The following DPEP1 variants were observed in gnomAD, a reference collection of about 807,000 sequenced individuals.
The protein encoded by DPEP1 is beta-lactamase.
A neutral mutation model predicts 42.3 loss-of-function variants in DPEP1; 50 were observed. That is an observed-to-expected ratio of 1.18 (90% CI 0.94 to 1.50). The LOEUF is 1.50. Among genes scored for constraint, DPEP1 ranks in the 40% most tolerant of loss-of-function variants. DPEP1 has a pLI of 0.00. For synonymous variants in DPEP1, 297 were observed against 234.0 expected (o/e 1.27, Z -2.46); for missense variants, 663 against 553.0 (o/e 1.20, Z -1.99).
At chr16:89,636,145 C>T (rs536634283) in intron 3 of DPEP1, 105 bp downstream of exon 3, 1 of 1,548,094 alleles carries the variant, frequency 6.5e-7, no homozygotes, top group African/African-American at 1.4e-5. Context: ...TCCAGGGTCC[C>T]TCGGTGCCCA....
At chr16:89,631,765 G>A in intron 2 of DPEP1, among the ~76,000 whole-genome samples, 1 of 152,198 alleles carries the variant, frequency 6.6e-6, no homozygotes. Flanking sequence ...GCTGAGGCAG[G>A]AGAATCACTT....
rs748498388 is a variant in DPEP1, at chr16:89,630,410, C to T, written c.-1C>T. ...GCACACAGGTCCCCGGGGACCCCAC[C>T]ATGTGGAGCGGATGGTGGCTGTGGC... On this transcript the variant is annotated 5_prime_UTR_variant, in exon 2 of 11. Transcript: ENST00000690203. 1 of 1,609,942 alleles carries T rather than the reference C, an allele frequency of 6.2e-7. No individual in the cohort carries two copies.
rs1043115406 is a variant in DPEP1 at position 89,625,297 on chromosome 16, C to G, written c.-106-5008C>G. Among the ~76,000 whole-genome samples the G allele has an allele frequency of 4.6e-5, 7 of 152,130 alleles. No individual in the cohort carries two copies. The South Asian group carries it at 1.5e-3, about 32-fold the overall frequency. The stretch of plus-strand genomic sequence containing the variant: ...GCCCCCAGACCCTATTCTCCTGCTC[C>G]CAGGGCATCACGTGCAGAGAGGGAG... On this transcript the variant is annotated intron_variant, in intron 1 of 10. Coordinates refer to ENST00000690203, the MANE Select transcript of DPEP1 (RefSeq NM_001389466.1).
chr16:89,620,270 C>T (rs1323046820), intron 1 of DPEP1, among the ~76,000 whole-genome samples: 1 of 152,096 alleles, frequency 6.6e-6, no homozygotes, highest in Non-Finnish European at 1.5e-5. Flanking sequence ...AGGGAGGTGG[C>T]TGGGGTCTGC....
intron 1 of DPEP1, among the ~76,000 whole-genome samples, chr16:89,621,007 G>A (rs2059441284): frequency 6.6e-6 from 1 of 152,202 alleles, no homozygotes; most frequent in Non-Finnish European, 1.5e-5. Context: ...ACCGGGTGGG[G>A]GGCCTCAGCT....
chr16:89,623,472 G>A (rs1320210047), intron 1 of DPEP1, among the ~76,000 whole-genome samples: 1 of 152,084 alleles, frequency 6.6e-6, no homozygotes, highest in Non-Finnish European at 1.5e-5. Context: ...CGCTGCCAAG[G>A]GAAGTCTGCA....
rs1597749369 is a variant in DPEP1, at chr16:89,623,969, G to A, written c.-106-6336G>A. 2.0e-5 allele frequency among the ~76,000 whole-genome samples: 3 copies of A among 152,122 alleles called. No homozygotes were observed. In the South Asian group the frequency reaches 6.2e-4, roughly 32 times the overall value. On this transcript the variant is annotated intron_variant, in intron 1 of 10. Transcript: ENST00000690203. ...TCCAGGCCTGGAGGGAACAGCGGTTGCCCACACACAGCCGGGCCCATCCAC... is the reference window on the plus strand; with the variant it reads ...TCCAGGCCTGGAGGGAACAGCGGTTACCCACACACAGCCGGGCCCATCCAC...
chr16:89,620,227 C>A (rs1421838960), intron 1 of DPEP1, among the ~76,000 whole-genome samples: 3 of 152,074 alleles, frequency 2.0e-5, no homozygotes, highest in Non-Finnish European at 4.4e-5. Context: ...TGTCCCAACT[C>A]CGGGGCCAGG....
chr16:89,625,714 C>G (rs1034558028), intron 1 of DPEP1, among the ~76,000 whole-genome samples: 2 of 152,106 alleles, frequency 1.3e-5, no homozygotes, highest in Non-Finnish European at 2.9e-5. Context: ...ACTATAAAAC[C>G]CCACGGAAAA....
At chr16:89,630,760 C>A (rs1165946790) in intron 2 of DPEP1, among the ~76,000 whole-genome samples, 1 of 39,582 alleles carries the variant, frequency 2.5e-5, no homozygotes, top group Non-Finnish European at 4.8e-5. Context: ...GGAGTTTGGC[C>A]TGGGGAGTTG....
intron 1 of DPEP1, among the ~76,000 whole-genome samples, chr16:89,625,678 A>G (rs1332149980): frequency 6.6e-6 from 1 of 152,148 alleles, no homozygotes; most frequent in Non-Finnish European, 1.5e-5. Flanking sequence ...GCAGGAGAAG[A>G]AAGGCAACTG....
chr16:89,636,981 G>C, intron 6 of DPEP1, 46 bp downstream of exon 6: 1 of 1,604,302 alleles, frequency 6.2e-7, no homozygotes, highest in Non-Finnish European at 8.5e-7. Flanking sequence ...AGAAGGCAGA[G>C]GCCCTGGAGG....
intron 1 of DPEP1, among the ~76,000 whole-genome samples, chr16:89,614,545 C>A (rs941030825): frequency 3.0e-4 from 46 of 152,202 alleles, no homozygotes; most frequent in Admixed American, 1.2e-3. Flanking sequence ...CTGTAATCCC[C>A]ACACTGTGGG....
intron 1 of DPEP1, among the ~76,000 whole-genome samples, chr16:89,622,473 G>A (rs1455181192): frequency 2.0e-5 from 3 of 152,194 alleles, no homozygotes; most frequent in South Asian, 2.1e-4. Flanking sequence ...GAAGGTGAGA[G>A]GAAAGGAATT....
chr16:89,623,517 C>T (rs924158693), intron 1 of DPEP1, among the ~76,000 whole-genome samples: 7 of 152,090 alleles, frequency 4.6e-5, no homozygotes, highest in African/African-American at 1.4e-4. Flanking sequence ...CAATGGGAGA[C>T]GCGTCTGCAT....
chr16:89,631,196 C>T (rs1303646809), intron 2 of DPEP1, among the ~76,000 whole-genome samples: 2 of 152,124 alleles, frequency 1.3e-5, no homozygotes, highest in African/African-American at 4.8e-5. Flanking sequence ...GCCCATGCCA[C>T]TTGGGCCCTT....
chr16:89,617,704 G>GAGGCCGGGCGCGGTGGCT (rs1567979093), intron 1 of DPEP1, among the ~76,000 whole-genome samples: 3 of 151,176 alleles, frequency 2.0e-5, no homozygotes, highest in South Asian at 2.1e-4. Flanking sequence ...GGGAGGTTGG[G>GAGGCCGGGCGCGGTGGCT]CACGGTGGCT....
rs749729268 is a variant in DPEP1 at position 89,630,468 on chromosome 16, C to T, written c.58C>T (p.Arg20Trp). 2.4e-5 allele frequency: 38 copies of T among 1,609,580 alleles called. No individual in the cohort carries two copies. Among genetic ancestry groups the T allele is most frequent in the Admixed American group, 8.4e-5 (5 of 59,508 alleles). The change falls in exon 2 of 11, where the codon CGG (arginine) becomes TGG (tryptophan). Residue 20 changes from arginine (R) to tryptophan (W), a missense_variant. Physicochemically the swap from Arg to Trp is moderately radical, Grantham distance 101. Transcript: ENST00000690203. ...GGCCGTCTGCACTGCAGACTTCTTT[C>T]GGGACGAGGCAGAGAGGATCATGAG... ...LVAVCTADFF[R>W]DEAERIMRDS...
intron 1 of DPEP1, among the ~76,000 whole-genome samples, chr16:89,628,580 C>T (rs2059546842): frequency 6.6e-6 from 1 of 151,784 alleles, no homozygotes; most frequent in Non-Finnish European, 1.5e-5. Context: ...TTCTTTATAG[C>T]AGTGTGAAAA....
Sources: allele counts gnomAD v4.1 joint callset (sites outside exome capture counted in the v4.1 genomes callset), GRCh38; gene constraint gnomAD v4.1.1; transcripts MANE v1.5; gene names NCBI Gene and HGNC (gene_info 2026-07-23, HGNC 2026-07-21).